CAMK4: variants seen among roughly 807,000 people sequenced by gnomAD.
CAMK4 encodes calcium/calmodulin dependent protein kinase IV.
Under a neutral mutation model 44.9 loss-of-function variants are expected in CAMK4, and 22 were observed. The ratio of observed to expected loss-of-function variants is 0.49; its 90% confidence interval spans 0.35 to 0.70. The LOEUF (loss-of-function observed/expected upper bound fraction) is 0.70. CAMK4 is among the 30% of genes least tolerant of loss of function. The probability of loss-of-function intolerance (pLI) is 0.01; values close to 1 mark genes in which losing one functional copy is unlikely to be tolerated. For synonymous variants in CAMK4, 218 were observed against 215.4 expected (o/e 1.01, Z -0.11); for missense variants, 498 against 586.8 (o/e 0.85, Z 1.56).
At chr5:111,321,363 T>A (rs552124956) in intron 1 of CAMK4, among the ~76,000 whole-genome samples, 103 of 152,276 alleles carry the variant, frequency 6.8e-4, no homozygotes, top group African/African-American at 2.2e-3. Flanking sequence ...CAGCATTTTT[T>A]AAAAACCCTG....
intron 6 of CAMK4, among the ~76,000 whole-genome samples, chr5:111,447,564 T>C (rs1321070232): frequency 1.3e-5 from 2 of 152,134 alleles, no homozygotes; most frequent in Admixed American, 6.5e-5. Context: ...TAGAAAAAAA[T>C]AAATGTTACT....
At chr5:111,395,211 C>CAAAAAAAAAAA (rs1175802762) in intron 5 of CAMK4, among the ~76,000 whole-genome samples, 3 of 90,640 alleles carry the variant, frequency 3.3e-5, no homozygotes, top group Non-Finnish European at 4.5e-5. Context: ...GACCCTGTCT[C>CAAAAAAAAAAA]AAAAAAAAAA....
At chr5:111,319,442 G>A (rs1446684072) in intron 1 of CAMK4, among the ~76,000 whole-genome samples, 1 of 152,036 alleles carries the variant, frequency 6.6e-6, no homozygotes, top group Non-Finnish European at 1.5e-5. Context: ...AATATCCCTT[G>A]CCTTTTTTGT....
At chr5:111,241,738 A>G in intron 1 of CAMK4, among the ~76,000 whole-genome samples, 1 of 152,196 alleles carries the variant, frequency 6.6e-6, no homozygotes, top group Non-Finnish European at 1.5e-5. Context: ...GTCATTTTTG[A>G]AAAATCTTGT....
intron 5 of CAMK4, among the ~76,000 whole-genome samples, chr5:111,421,724 A>T (rs976962211): frequency 6.6e-6 from 1 of 152,014 alleles, no homozygotes; most frequent in Admixed American, 6.6e-5. Flanking sequence ...ATTTTTAATG[A>T]TTATGTTGAA....
chr5:111,452,606 T>C (rs1183647779), intron 7 of CAMK4, among the ~76,000 whole-genome samples: 1 of 152,166 alleles, frequency 6.6e-6, no homozygotes, highest in African/African-American at 2.4e-5. Flanking sequence ...TTCTTAAATC[T>C]ATCTACTTTT....
chr5:111,276,441 T>C (rs76062103), intron 1 of CAMK4, among the ~76,000 whole-genome samples: 2,191 of 152,232 alleles, frequency 0.014, 52 homozygotes, highest in African/African-American at 0.05. Flanking sequence ...ATTTAAATAA[T>C]TTTTGCTGGG....
At chr5:111,377,785 G>A (rs10478046) in intron 4 of CAMK4, among the ~76,000 whole-genome samples, 55,174 of 151,752 alleles carry the variant, frequency 0.36, 11,014 homozygotes, top group South Asian at 0.5. Context: ...AAAAGTTTTG[G>A]TTAAAAAATG....
intron 1 of CAMK4, among the ~76,000 whole-genome samples, chr5:111,270,583 C>T (rs958712173): frequency 6.6e-6 from 1 of 152,208 alleles, no homozygotes; most frequent in Non-Finnish European, 1.5e-5. Flanking sequence ...CAGCCTTTGG[C>T]TCCTCAATTT....
intron 1 of CAMK4, among the ~76,000 whole-genome samples, chr5:111,319,695 T>A (rs1013912518): frequency 6.6e-6 from 1 of 152,180 alleles, no homozygotes; most frequent in Non-Finnish European, 1.5e-5. Context: ...GGATCCCTGA[T>A]ACAATGTAGA....
intron 2 of CAMK4, among the ~76,000 whole-genome samples, chr5:111,354,307 G>A (rs894226898): frequency 6.6e-6 from 1 of 152,050 alleles, no homozygotes; most frequent in African/African-American, 2.4e-5. Flanking sequence ...GAGGTATGTA[G>A]GTCAAAGGGT....
chr5:111,470,515 T>C (rs991516028), intron 7 of CAMK4, among the ~76,000 whole-genome samples: 1 of 148,250 alleles, frequency 6.7e-6, no homozygotes, highest in African/African-American at 2.7e-5. Flanking sequence ...ATGAAAAATA[T>C]AAACTTTATA....
intron 7 of CAMK4, among the ~76,000 whole-genome samples, chr5:111,470,920 C>A (rs1755040802): frequency 6.6e-6 from 1 of 152,178 alleles, no homozygotes; most frequent in South Asian, 2.1e-4. Context: ...CTTTGGCCCT[C>A]CAGAAAGTCA....
intron 5 of CAMK4, among the ~76,000 whole-genome samples, chr5:111,408,452 A>G (rs1478297979): frequency 6.6e-6 from 1 of 151,868 alleles, no homozygotes; most frequent in African/African-American, 2.4e-5. Flanking sequence ...GTATGGGAAA[A>G]CCCCTCTGCA....
At position 111,374,674 on chromosome 5, in the gene CAMK4, G is replaced by A. The variant is rs562910670; in HGVS notation, c.241-176G>A. On this transcript the variant is annotated intron_variant, in intron 2 of 10. Coordinates refer to ENST00000282356, the MANE Select transcript of CAMK4 (RefSeq NM_001744.6). ...TTTCTGGCTGTATGTTACGTCAGAA[G>A]CAGAGAGAAAGGATGTGCAGCTGAA... 3.3e-5 allele frequency among the ~76,000 whole-genome samples: 5 copies of A among 152,238 alleles called. No individual in the cohort carries two copies. The South Asian group carries it at 6.2e-4, about 19-fold the overall frequency.
intron 1 of CAMK4, among the ~76,000 whole-genome samples, chr5:111,251,992 C>T (rs770143527): frequency 3.3e-5 from 5 of 152,254 alleles, no homozygotes; most frequent in South Asian, 2.1e-4. Context: ...CACACTTGTG[C>T]GTCTCTGTAC....
chr5:111,430,628 A>T (rs1424801542), intron 5 of CAMK4, among the ~76,000 whole-genome samples: 1 of 152,110 alleles, frequency 6.6e-6, no homozygotes, highest in Non-Finnish European at 1.5e-5. Context: ...CAAAATCAAC[A>T]TACAAAAATC....
intron 1 of CAMK4, among the ~76,000 whole-genome samples, chr5:111,285,825 T>A (rs1751219015): frequency 1.3e-5 from 2 of 152,244 alleles, no homozygotes; most frequent in African/African-American, 2.4e-5. Flanking sequence ...TCCCGTGTGA[T>A]GACAGAGCAG....
intron 7 of CAMK4, among the ~76,000 whole-genome samples, chr5:111,467,706 A>T (rs1276313653): frequency 6.6e-6 from 1 of 152,160 alleles, no homozygotes; most frequent in Non-Finnish European, 1.5e-5. Context: ...AAAATAATAC[A>T]TGTTGGTGTG....
Sources: allele counts gnomAD v4.1 joint callset (sites outside exome capture counted in the v4.1 genomes callset), GRCh38; gene constraint gnomAD v4.1.1; transcripts MANE v1.5; gene names NCBI Gene and HGNC (gene_info 2026-07-23, HGNC 2026-07-21).